Variants in FRMD1 observed in about 807,000 individuals in gnomAD.
FRMD1 encodes FERM domain containing 1, also known as FERM domain-containing protein 1.
FRMD1 carries 51 observed loss-of-function variants against 54.9 expected under a neutral mutation model. That is an observed-to-expected ratio of 0.93 (90% CI 0.74 to 1.17). FRMD1 has a LOEUF of 1.17. FRMD1 is among the 50% of genes most tolerant of loss of function. The pLI, the probability that FRMD1 is intolerant of heterozygous loss-of-function variation, is 0.00. For missense variants in FRMD1, 729 were observed against 743.0 expected, an observed-to-expected ratio of 0.98 and a Z score of 0.22; for synonymous variants, 324 against 306.4, an observed-to-expected ratio of 1.06 and a Z score of -0.60.
At chr6:168,067,796 G>A (rs1168829331) in intron 2 of FRMD1, among the ~76,000 whole-genome samples, 1 of 152,132 alleles carries the variant, frequency 6.6e-6, no homozygotes, top group Non-Finnish European at 1.5e-5. Flanking sequence ...TCTCAGCTAT[G>A]GAATGAGTCG....
At chr6:168,063,028 G>A (rs1477738604) in intron 6 of FRMD1, 69 bp from the exon 7 acceptor site, 2 of 1,349,794 alleles carry the variant, frequency 1.5e-6, no homozygotes, top group African/African-American at 1.4e-5. Context: ...GGCAGAGTAT[G>A]GTCAGTCTGG....
Position 168,057,285 on chromosome 6 carries a change from C to A in FRMD1, c.1462G>T (p.Asp488Tyr). 6.2e-7 allele frequency: 1 copy of A among 1,612,578 alleles called. No homozygotes were observed. The highest frequency in any genetic ancestry group is 8.5e-7 in the Non-Finnish European group (1 of 1,179,750). Residue 488 changes from aspartate to tyrosine, a missense_variant, in exon 11 of 11, where the codon GAC (aspartate) becomes TAC (tyrosine). By Grantham distance (160) the Asp-to-Tyr change is radical. Transcript: ENST00000283309. ...AGGGCCAGCTGGTGCAGCTGCATGTCGTCCAGGCCATGGCTGTGCTGCTCC... is the reference window on the plus strand; with the variant it reads ...AGGGCCAGCTGGTGCAGCTGCATGTAGTCCAGGCCATGGCTGTGCTGCTCC... ...SEEQHSHGLDDMQLHQLALHP... is the reference protein window; with the variant it reads ...SEEQHSHGLDYMQLHQLALHP...
intron 7 of FRMD1, among the ~76,000 whole-genome samples, chr6:168,062,495 T>G (rs1799801377): frequency 6.6e-6 from 1 of 152,200 alleles, no homozygotes; most frequent in African/African-American, 2.4e-5. Context: ...ACCCCACGCC[T>G]GCAGGGCCAG....
At chr6:168,076,911 G>A (rs879712435) in intron 1 of FRMD1, among the ~76,000 whole-genome samples, 9 of 152,086 alleles carry the variant, frequency 5.9e-5, no homozygotes, top group Non-Finnish European at 1.2e-4. Flanking sequence ...CCAATAGAGC[G>A]TTCCCTGTCT....
Position 168,064,893 on chromosome 6 carries a change from G to T in FRMD1, c.626C>A (p.Pro209Gln). ...ESAHAGRYFEPHSYFPQWIIT... is the reference protein window; with the variant it reads ...ESAHAGRYFEQHSYFPQWIIT... ...TACCCACTGTGGGAAGTAGGAGTGTGGCTCGAAGTACCTCCCGGCATGGGC... is the reference window on the plus strand; with the variant it reads ...TACCCACTGTGGGAAGTAGGAGTGTTGCTCGAAGTACCTCCCGGCATGGGC... The change falls in exon 5 of 11, where the codon CCA (proline) becomes CAA (glutamine). Residue 209 changes from proline to glutamine, a missense_variant. Pro to Gln is a moderately conservative substitution (Grantham distance 76). Transcript: ENST00000283309. 2 of 1,578,156 alleles carry T rather than the reference G, an allele frequency of 1.3e-6. No homozygotes were observed. Among genetic ancestry groups the T allele is most frequent in the Middle Eastern group, 1.7e-4 (1 of 6,010 alleles).
chr6:168,078,631 G>GC (rs1562430230), intron 1 of FRMD1, among the ~76,000 whole-genome samples: 1,652 of 82,402 alleles, frequency 0.02, 47 homozygotes, highest in Non-Finnish European at 0.025. Flanking sequence ...CACCCCCACA[G>GC]CCTTGCTCAC....
At chr6:168,081,119 T>C (rs7742355), upstream of FRMD1, among the ~76,000 whole-genome samples, 131,305 of 152,126 alleles carry the variant, frequency 0.86, 56,782 homozygotes, top group Non-Finnish European at 0.89. Flanking sequence ...GCCGTCCATC[T>C]GAGTGCCAGG....
chr6:168,056,963 T>C lies in FRMD1; in HGVS notation c.*134A>G, dbSNP rs1799433614. The C allele has an allele frequency of 9.1e-7, 1 of 1,101,214 alleles. No individual in the cohort carries two copies. 68.2% of individuals were successfully genotyped at this position (1,101,214 alleles called of 1,614,324 possible). ...GAGCCAGCTCCACACCTCTTACAGG[T>C]GAACCTGTGGAGCGTGCTGGCTGCG... On this transcript the variant is annotated 3_prime_UTR_variant, in exon 11 of 11. Transcript: ENST00000283309.
intron 1 of FRMD1, among the ~76,000 whole-genome samples, chr6:168,078,341 G>A (rs933875874): frequency 8.5e-5 from 13 of 152,212 alleles, no homozygotes; most frequent in African/African-American, 2.9e-4. Flanking sequence ...GCTCCCTCCC[G>A]GGAAGGATGT....
Position 168,066,747 on chromosome 6 carries a change from G to A in FRMD1, c.461+8C>T, listed in dbSNP as rs771713006. Reference sequence around the variant, plus strand: ...AGGAAACACCCCTTACAGTCCGCATGCCGTTACCTTATGACCCTTCCGTTT... The same window carrying A: ...AGGAAACACCCCTTACAGTCCGCATACCGTTACCTTATGACCCTTCCGTTT... On this transcript the variant is annotated splice_region_variant and intron_variant, in intron 4 of 10. Transcript: ENST00000283309. 2 of 1,611,840 alleles carry A rather than the reference G, an allele frequency of 1.2e-6. No homozygotes were observed. The highest frequency in any genetic ancestry group is 1.7e-6 in the Non-Finnish European group (2 of 1,179,302).
intron 7 of FRMD1, chr6:168,062,592 A>T: frequency 7.2e-7 from 1 of 1,395,316 alleles, no homozygotes; most frequent in Non-Finnish European, 9.8e-7. Flanking sequence ...TCGGGTGCAG[A>T]ATTGTCCAGA....
upstream of FRMD1, among the ~76,000 whole-genome samples, chr6:168,082,838 G>T (rs565168917): frequency 6.2e-4 from 94 of 152,332 alleles, no homozygotes; most frequent in African/African-American, 2.0e-3. Flanking sequence ...AGCGGATAGT[G>T]CAGGGCCTGG....
At chr6:168,076,618 G>A (rs758012802) in intron 1 of FRMD1, among the ~76,000 whole-genome samples, 3 of 152,196 alleles carry the variant, frequency 2.0e-5, no homozygotes, top group Non-Finnish European at 4.4e-5. Flanking sequence ...TGCCATGACT[G>A]TAAGTTTCCT....
In FRMD1 at chr6:168,089,567, C is replaced by T. The variant is rs115752525; in HGVS notation, c.-11-10543G>A. The stretch of plus-strand genomic sequence containing the variant: ...TGTGTTTATCACGCACACTGTTTAC[C>T]GTCACTGTGCACAGATAATCGACCA... On this transcript the variant is annotated intron_variant, in intron 1 of 12. Coordinates refer to the FRMD1 transcript ENST00000644440. Among the ~76,000 whole-genome samples, 741 of 152,336 alleles carry T rather than the reference C, an allele frequency of 4.9e-3. 8 individuals carry two copies. The highest frequency in any genetic ancestry group is 0.016 in the African/African-American group (685 of 41,576).
At chr6:168,085,379 G>C (rs1232348102), upstream of FRMD1, among the ~76,000 whole-genome samples, 1 of 152,252 alleles carries the variant, frequency 6.6e-6, no homozygotes, top group Non-Finnish European at 1.5e-5. Context: ...GCCGCCTGGA[G>C]GGAGGGAGAC....
intron 1 of FRMD1, among the ~76,000 whole-genome samples, chr6:168,090,217 C>T (rs576114343): frequency 1.3e-5 from 2 of 152,248 alleles, no homozygotes; most frequent in Non-Finnish European, 2.9e-5. Flanking sequence ...CATTCTTGTC[C>T]CTCTGCCCCC....
chr6:168,072,262 C>T (rs1263314966), intron 2 of FRMD1, among the ~76,000 whole-genome samples: 2 of 152,196 alleles, frequency 1.3e-5, no homozygotes, highest in South Asian at 2.1e-4. Flanking sequence ...TGCCACTGGA[C>T]CTCTGGGGGA....
Position 168,059,105 on chromosome 6 carries a change from C to A in FRMD1, c.1407+19G>T, listed in dbSNP as rs762788427. On this transcript the variant is annotated intron_variant, in intron 10 of 10. Coordinates refer to ENST00000283309, the MANE Select transcript of FRMD1 (RefSeq NM_024919.6). The surrounding 1 kb of genome is among the most constrained non-coding windows in gnomAD (Gnocchi z 4.4). The stretch of plus-strand genomic sequence containing the variant: ...GGAGGAGCAGGGCCAGGGCTTCTGG[C>A]CCGTGGGGGGGACTCTACCTGGTGC... 2 of 1,552,670 alleles carry A rather than the reference C, an allele frequency of 1.3e-6. No individual in the cohort carries two copies. Among genetic ancestry groups the A allele is most frequent in the Non-Finnish European group, 1.7e-6 (2 of 1,151,478 alleles).
chr6:168,069,532 C>T (rs78030793), intron 2 of FRMD1, among the ~76,000 whole-genome samples: 501 of 152,292 alleles, frequency 3.3e-3, no homozygotes, highest in Non-Finnish European at 4.5e-3. Flanking sequence ...AGATGTTTAG[C>T]AATGTTCGCT....
Sources: gnomAD v4.1 joint callset for allele counts (sites outside exome capture counted in the v4.1 genomes callset) on GRCh38, gnomAD v4.1.1 for gene constraint, Gnocchi (gnomAD v3.1) non-coding constraint, MANE v1.5 for transcripts, NCBI Gene and HGNC (gene_info 2026-07-23, HGNC 2026-07-21) for gene names.